SFXN5: variants seen among roughly 807,000 people sequenced by gnomAD.
SFXN5 encodes sideroflexin 5, also known as sideroflexin-5.
Under a neutral mutation model 50.2 loss-of-function variants are expected in SFXN5, and 43 were observed. The ratio of observed to expected loss-of-function variants is 0.86; its 90% CI spans 0.67 to 1.11. The LOEUF (loss-of-function observed/expected upper bound fraction) is 1.11. SFXN5 is among the 50% of genes least tolerant of loss of function. The pLI is 0.00. For synonymous variants in SFXN5, 203 were observed against 185.8 expected (o/e 1.09, Z -0.75); for missense variants, 463 against 454.1 (o/e 1.02, Z -0.18).
intron 6 of SFXN5, among the ~76,000 whole-genome samples, chr2:73,014,616 G>C (rs996162203): frequency 1.3e-5 from 2 of 152,112 alleles, no homozygotes; most frequent in Admixed American, 1.3e-4. Flanking sequence ...ATTGAATATA[G>C]ATTTTAATTT....
chr2:73,004,146 G>A (rs547676067), intron 6 of SFXN5, among the ~76,000 whole-genome samples: 2 of 152,158 alleles, frequency 1.3e-5, no homozygotes, highest in South Asian at 4.2e-4. Context: ...CTGGCTTGGG[G>A]GCCCGGACTC....
chr2:72,968,122 A>ACAC (rs1674660609), intron 12 of SFXN5, among the ~76,000 whole-genome samples: 4 of 137,214 alleles, frequency 2.9e-5, no homozygotes, highest in Admixed American at 1.5e-4. Flanking sequence ...CACACATGAA[A>ACAC]ACACACACAC....
At chr2:72,986,862 G>T (rs550614664) in intron 10 of SFXN5, among the ~76,000 whole-genome samples, 4 of 152,060 alleles carry the variant, frequency 2.6e-5, no homozygotes, top group East Asian at 1.9e-4. Flanking sequence ...ATACCTGTGC[G>T]CCCACAATCA....
At chr2:73,012,164 T>A (rs77356350) in intron 6 of SFXN5, among the ~76,000 whole-genome samples, 5 of 152,222 alleles carry the variant, frequency 3.3e-5, no homozygotes, top group Admixed American at 3.3e-4. Context: ...CTTAAATGTA[T>A]GCAGATATCT....
chr2:72,971,763 T>A lies in SFXN5; in HGVS notation c.626-78A>T. ...CCTGGAGGGAGGTCACTACACTCCTTCCTACGCAAGCCTTGGGGTTCTGTG... is the reference window on the plus strand; with the variant it reads ...CCTGGAGGGAGGTCACTACACTCCTACCTACGCAAGCCTTGGGGTTCTGTG... On this transcript the variant is annotated intron_variant, in intron 10 of 13. Transcript: ENST00000272433. 2.8e-6 allele frequency: 3 copies of A among 1,087,052 alleles called. No homozygotes were observed. In the Admixed American group the frequency reaches 5.5e-5, roughly 20 times the overall value. 67.3% of individuals were successfully genotyped at this position (1,087,052 alleles called of 1,614,324 possible).
Position 72,950,814 on chromosome 2 carries a change from C to T in SFXN5, c.946-5715G>A, listed in dbSNP as rs1672449618. Reference sequence around the variant, plus strand: ...CCCGCAGAAGGCCAGAGCCCCAGGGCAGTGGGTCGAGGGGCAGGGACTTGG... The same window carrying T: ...CCCGCAGAAGGCCAGAGCCCCAGGGTAGTGGGTCGAGGGGCAGGGACTTGG... On this transcript the variant is annotated intron_variant, in intron 13 of 13. Coordinates refer to ENST00000272433, the MANE Select transcript of SFXN5 (RefSeq NM_144579.3). This position sits in a 1 kb window ranked among gnomAD's most constrained non-coding sequence, Gnocchi z 4.2. Among the ~76,000 whole-genome samples the T allele has an allele frequency of 5.3e-5, 8 of 152,252 alleles. No homozygotes were observed. Among genetic ancestry groups the T allele is most frequent in the Admixed American group, 5.2e-4 (8 of 15,286 alleles).
intron 6 of SFXN5, among the ~76,000 whole-genome samples, chr2:73,015,206 G>A (rs1432609012): frequency 6.6e-6 from 1 of 152,026 alleles, no homozygotes; most frequent in Non-Finnish European, 1.5e-5. Flanking sequence ...TACTTTTTCT[G>A]TATTTACTGG....
chr2:73,041,643 G>A (rs1327475252), intron 2 of SFXN5: 1 of 434,500 alleles, frequency 2.3e-6, no homozygotes. Context: ...TGAGCCTGGG[G>A]GACAGTGCAA....
intron 3 of SFXN5, among the ~76,000 whole-genome samples, chr2:73,027,890 G>C (rs1281229139): frequency 6.6e-6 from 1 of 151,946 alleles, no homozygotes; most frequent in Non-Finnish European, 1.5e-5. Context: ...TCCAACTCCT[G>C]GGCTCAAGCA....
At chr2:73,005,503 G>C (rs1674517823) in intron 6 of SFXN5, among the ~76,000 whole-genome samples, 1 of 152,180 alleles carries the variant, frequency 6.6e-6, no homozygotes, top group Non-Finnish European at 1.5e-5. Flanking sequence ...GTACCTCTCA[G>C]GATGGTTATG....
intron 3 of SFXN5, 43 bp from the exon 4 acceptor site, chr2:73,023,257 A>G (rs1318648539): frequency 6.4e-7 from 1 of 1,559,160 alleles, no homozygotes; most frequent in African/African-American, 1.4e-5. Flanking sequence ...AACAAAAATT[A>G]AAAGCATATA....
At chr2:73,056,685 C>CAAA (rs143472338) in intron 2 of SFXN5, among the ~76,000 whole-genome samples, 1 of 80,860 alleles carries the variant, frequency 1.2e-5, no homozygotes, top group African/African-American at 4.4e-5. Context: ...AACTCCGTCT[C>CAAA]AAAAAAAAAA....
At chr2:72,998,844 A>G in intron 9 of SFXN5, 105 bp downstream of exon 9, 1 of 1,305,356 alleles carries the variant, frequency 7.7e-7, no homozygotes, top group Non-Finnish European at 1.1e-6. Flanking sequence ...CCTGTCTCCC[A>G]AATCCTTGCC....
chr2:72,965,237 G>A (rs1013446324), intron 12 of SFXN5, among the ~76,000 whole-genome samples: 6 of 152,176 alleles, frequency 3.9e-5, no homozygotes, highest in Non-Finnish European at 8.8e-5. Context: ...GGCCACCCAC[G>A]GGCAGAATGA....
intron 9 of SFXN5, among the ~76,000 whole-genome samples, chr2:72,991,961 C>G (rs1171814160): frequency 6.6e-6 from 1 of 152,184 alleles, no homozygotes; most frequent in African/African-American, 2.4e-5. Context: ...AGAAATTAAC[C>G]AAACAGGAGC....
rs115988131 is a variant in SFXN5 at position 73,062,564 on chromosome 2, G to A, written c.103-3968C>T. Among the ~76,000 whole-genome samples, 399 of 152,158 alleles carry A rather than the reference G, an allele frequency of 2.6e-3. 1 individual carries two copies. The highest frequency in any genetic ancestry group is 9.1e-3 in the African/African-American group (377 of 41,526). ...CTGCCAGCCTTCTTGTGTCACTTTC[G>A]ACCATAGCTACTGGGGGAGACTCCC... On this transcript the variant is annotated intron_variant, in intron 1 of 13. Coordinates refer to ENST00000272433, the MANE Select transcript of SFXN5 (RefSeq NM_144579.3).
In SFXN5 at chr2:73,037,259, C is replaced by T. The variant is rs537795587; in HGVS notation, c.249+3595G>A. Among the ~76,000 whole-genome samples the T allele has an allele frequency of 6.6e-5, 10 of 152,198 alleles. No individual in the cohort carries two copies. The East Asian group carries it at 1.2e-3, about 18-fold the overall frequency. On this transcript the variant is annotated intron_variant, in intron 3 of 13. Coordinates refer to ENST00000272433, the MANE Select transcript of SFXN5 (RefSeq NM_144579.3). ...CAGTCTGGGAGGGTCACCCCTTCCA[C>T]GGCTCTCCCATGGTATCATGTGCTT...
chr2:73,014,406 C>G (rs984093409), intron 6 of SFXN5, among the ~76,000 whole-genome samples: 4 of 152,128 alleles, frequency 2.6e-5, no homozygotes, highest in African/African-American at 9.7e-5. Flanking sequence ...GTTCTCTGTT[C>G]TGTTCCACTG....
chr2:73,071,561 T>C, intron 1 of SFXN5, 43 bp downstream of exon 1: 1 of 1,586,038 alleles, frequency 6.3e-7, no homozygotes, highest in Non-Finnish European at 8.6e-7. Context: ...GCTCGTCCTC[T>C]CTTTGCCACC....
Sources: gnomAD v4.1 joint callset for allele counts (sites outside exome capture counted in the v4.1 genomes callset) on GRCh38, gnomAD v4.1.1 for gene constraint, Gnocchi (gnomAD v3.1) non-coding constraint, MANE v1.5 for transcripts, NCBI Gene and HGNC (gene_info 2026-07-23, HGNC 2026-07-21) for gene names.